The following HS6ST3 variants were observed in gnomAD, a reference collection of about 807,000 sequenced individuals.
HS6ST3 encodes heparan-sulfate 6-O-sulfotransferase 3.
Under a neutral mutation model 36.7 loss-of-function variants are expected in HS6ST3, and 12 were observed. That is an observed-to-expected ratio of 0.33 (90% CI 0.21 to 0.53). The LOEUF (loss-of-function observed/expected upper bound fraction) is 0.53, where lower values mean the gene tolerates loss of function less well. HS6ST3 is among the 20% of genes least tolerant of loss of function. The probability of loss-of-function intolerance (pLI) is 0.95; values close to 1 mark genes in which losing one functional copy is unlikely to be tolerated. For missense variants in HS6ST3, 584 were observed against 640.9 expected, an observed-to-expected ratio of 0.91 and a Z score of 0.96; for synonymous variants, 240 against 257.5, an observed-to-expected ratio of 0.93 and a Z score of 0.65.
intron 1 of HS6ST3, among the ~76,000 whole-genome samples, chr13:96,515,111 G>A (rs149124340): frequency 7.2e-4 from 109 of 152,300 alleles, no homozygotes; most frequent in African/African-American, 2.5e-3. Context: ...ATTGGCAGCT[G>A]CGCACACCTT....
At chr13:96,105,777 G>A (rs1270426611) in intron 1 of HS6ST3, among the ~76,000 whole-genome samples, 1 of 152,092 alleles carries the variant, frequency 6.6e-6, no homozygotes, top group African/African-American at 2.4e-5. Flanking sequence ...GTTCATTCAT[G>A]CTTGTACATA....
chr13:96,576,584 C>T lies in HS6ST3; in HGVS notation c.708-255906C>T, dbSNP rs536458071. ...CTAAACTTTCACCCTTGAGCATGCA[C>T]GCTTAGTGATATTGGCCACGCAAGA... On this transcript the variant is annotated intron_variant, in intron 1 of 1. Coordinates refer to ENST00000376705, the MANE Select transcript of HS6ST3 (RefSeq NM_153456.4). 2.0e-4 allele frequency among the ~76,000 whole-genome samples: 30 copies of T among 152,232 alleles called. No homozygotes were observed. The East Asian group carries it at 4.4e-3, about 23-fold the overall frequency.
At chr13:96,749,871 T>C (rs1167649433) in intron 1 of HS6ST3, among the ~76,000 whole-genome samples, 1 of 152,100 alleles carries the variant, frequency 6.6e-6, no homozygotes, top group Non-Finnish European at 1.5e-5. Context: ...GTCATGTCTG[T>C]ATGTATATAA....
At position 96,833,628 on chromosome 13, in the gene HS6ST3, G is replaced by T. The variant is rs573226442; in HGVS notation, c.*430G>T. The stretch of plus-strand genomic sequence containing the variant: ...TCTCCTGTTATGAGAATATCAGTTG[G>T]TATAAAGAGAGAGAAAGAGAAAAAC... On this transcript the variant is annotated 3_prime_UTR_variant, in exon 2 of 2. Transcript: ENST00000376705. 12 of 160,648 alleles carry T rather than the reference G, an allele frequency of 7.5e-5. No homozygotes were observed. The South Asian group carries it at 2.3e-3, about 30-fold the overall frequency. The allele number at this position is 160,648 out of a possible 1,614,324, so 10.0% of individuals were successfully genotyped here.
At chr13:96,746,163 A>G (rs1327024303) in intron 1 of HS6ST3, among the ~76,000 whole-genome samples, 3 of 152,120 alleles carry the variant, frequency 2.0e-5, no homozygotes, top group Non-Finnish European at 2.9e-5. Context: ...AAGGGACTAA[A>G]TCCAGGCACT....
intron 1 of HS6ST3, among the ~76,000 whole-genome samples, chr13:96,461,490 C>G (rs1441875039): frequency 6.6e-6 from 1 of 152,156 alleles, no homozygotes; most frequent in East Asian, 1.9e-4. Flanking sequence ...TAGAAGAGCA[C>G]AGCCACTAGG....
intron 1 of HS6ST3, among the ~76,000 whole-genome samples, chr13:96,394,362 C>G (rs1318222308): frequency 6.6e-6 from 1 of 151,812 alleles, no homozygotes; most frequent in Non-Finnish European, 1.5e-5. Flanking sequence ...GTTTAAGGCA[C>G]TAGCACGTCT....
At chr13:96,741,566 G>A (rs767788418) in intron 1 of HS6ST3, among the ~76,000 whole-genome samples, 59 of 152,218 alleles carry the variant, frequency 3.9e-4, no homozygotes, top group Non-Finnish European at 7.6e-4. Context: ...AGAGTTGCCA[G>A]GACAGACCAT....
intron 1 of HS6ST3, among the ~76,000 whole-genome samples, chr13:96,186,834 T>C (rs763737989): frequency 6.6e-6 from 1 of 152,236 alleles, no homozygotes; most frequent in Non-Finnish European, 1.5e-5. Flanking sequence ...GTTTTTCACC[T>C]TTATTCACAA....
At chr13:96,782,466 C>T (rs1333097479) in intron 1 of HS6ST3, among the ~76,000 whole-genome samples, 1 of 152,038 alleles carries the variant, frequency 6.6e-6, no homozygotes, top group Non-Finnish European at 1.5e-5. Context: ...TGTGAAAATA[C>T]TAAGGGGGAT....
At chr13:96,369,991 C>G (rs938239392) in intron 1 of HS6ST3, among the ~76,000 whole-genome samples, 1 of 152,030 alleles carries the variant, frequency 6.6e-6, no homozygotes, top group Non-Finnish European at 1.5e-5. Context: ...ACTAATAGAG[C>G]AAGTCACTTC....
At chr13:96,140,832 G>A (rs1261198268) in intron 1 of HS6ST3, among the ~76,000 whole-genome samples, 1 of 152,100 alleles carries the variant, frequency 6.6e-6, no homozygotes, top group Non-Finnish European at 1.5e-5. Context: ...GAAAAATTGA[G>A]ATCATTACGT....
At chr13:96,536,903 T>G (rs1441759069) in intron 1 of HS6ST3, among the ~76,000 whole-genome samples, 1 of 152,216 alleles carries the variant, frequency 6.6e-6, no homozygotes, top group African/African-American at 2.4e-5. Context: ...CACCTACCTA[T>G]ACAGGTGGTC....
At chr13:96,446,527 C>T (rs2055700019) in intron 1 of HS6ST3, among the ~76,000 whole-genome samples, 1 of 152,194 alleles carries the variant, frequency 6.6e-6, no homozygotes, top group African/African-American at 2.4e-5. Flanking sequence ...GGCAGGATCT[C>T]TGGTGTGACC....
chr13:96,358,869 AATCT>A (rs58185989), intron 1 of HS6ST3, among the ~76,000 whole-genome samples: 46,514 of 147,402 alleles, frequency 0.32, 7,280 homozygotes, highest in Admixed American at 0.35. Flanking sequence ...GTATATATAT[AATCT>A]ATCTATCTAT....
chr13:96,249,470 G>T (rs1035148104), intron 1 of HS6ST3, among the ~76,000 whole-genome samples: 1 of 152,154 alleles, frequency 6.6e-6, no homozygotes, highest in African/African-American at 2.4e-5. Context: ...GGAGAGGGAA[G>T]ATAAGAGAAG....
intron 1 of HS6ST3, among the ~76,000 whole-genome samples, chr13:96,120,748 G>A (rs1293597926): frequency 6.6e-6 from 1 of 152,142 alleles, no homozygotes; most frequent in Non-Finnish European, 1.5e-5. Context: ...GTTTTTCAGT[G>A]TAAATTTCTG....
At chr13:96,822,905 A>G (rs1051180347) in intron 1 of HS6ST3, among the ~76,000 whole-genome samples, 1 of 152,222 alleles carries the variant, frequency 6.6e-6, no homozygotes. Context: ...ACAAATGTTT[A>G]GTCTAATTTG....
At chr13:96,694,588 T>C (rs1428564252) in intron 1 of HS6ST3, among the ~76,000 whole-genome samples, 1 of 152,204 alleles carries the variant, frequency 6.6e-6, no homozygotes, top group Non-Finnish European at 1.5e-5. Context: ...ATAGTAGTTC[T>C]GTTTTTAGGT....
Sources: gnomAD v4.1 joint callset for allele counts (sites outside exome capture counted in the v4.1 genomes callset) on GRCh38, gnomAD v4.1.1 for gene constraint, MANE v1.5 for transcripts, NCBI Gene and HGNC (gene_info 2026-07-23, HGNC 2026-07-21) for gene names.